CACNB2: variants seen among roughly 807,000 people sequenced by gnomAD.
CACNB2 encodes the protein calcium voltage-gated channel auxiliary subunit beta 2.
In CACNB2, 42 loss-of-function variants were observed where a neutral mutation model predicts 73.3. That is an observed-to-expected ratio of 0.57 (90% confidence interval 0.45 to 0.74). The LOEUF (loss-of-function observed/expected upper bound fraction) is 0.74, where lower values mean the gene tolerates loss of function less well. Among genes scored for constraint, CACNB2 ranks in the 30% least tolerant of loss-of-function variants. The probability of loss-of-function intolerance (pLI) is 0.00; values close to 1 mark genes in which losing one functional copy is unlikely to be tolerated. For synonymous variants in CACNB2, 348 were observed against 310.3 expected (o/e 1.12, Z -1.28); for missense variants, 940 against 853.0 (o/e 1.10, Z -1.27).
intron 2 of CACNB2, among the ~76,000 whole-genome samples, chr10:18,239,325 G>GA (rs768241463): frequency 2.0e-5 from 3 of 151,876 alleles, no homozygotes; most frequent in Non-Finnish European, 4.4e-5. Flanking sequence ...CCACCTTTCC[G>GA]AGTCTCCAGT....
At chr10:18,437,716 G>T (rs1282829771) in intron 3 of CACNB2, among the ~76,000 whole-genome samples, 1 of 152,124 alleles carries the variant, frequency 6.6e-6, no homozygotes, top group Admixed American at 6.6e-5. Flanking sequence ...ATCTTTGACA[G>T]CACTGAGAGT....
chr10:18,391,947 A>T (rs1210793227), intron 2 of CACNB2, among the ~76,000 whole-genome samples: 1 of 145,618 alleles, frequency 6.9e-6, no homozygotes, highest in Non-Finnish European at 1.5e-5. Flanking sequence ...AAAAAAAAAG[A>T]AGGTAAAAGC....
intron 2 of CACNB2, among the ~76,000 whole-genome samples, chr10:18,246,621 T>A (rs2036870330): frequency 6.6e-6 from 1 of 152,076 alleles, no homozygotes; most frequent in Non-Finnish European, 1.5e-5. Context: ...CACTCTGTCA[T>A]ACAGGCTGGA....
At chr10:18,527,735 C>A (rs777058449) in intron 10 of CACNB2, 38 bp downstream of exon 10, 7 of 1,259,768 alleles carry the variant, frequency 5.6e-6, no homozygotes, top group South Asian at 1.2e-5. Flanking sequence ...TTTAAACTCT[C>A]CTCTCCCGAT....
intron 2 of CACNB2, among the ~76,000 whole-genome samples, chr10:18,154,121 A>G (rs2031836460): frequency 6.6e-6 from 1 of 151,998 alleles, no homozygotes; most frequent in Admixed American, 6.6e-5. Context: ...TAATTTTAAA[A>G]ACCTTAGAAT....
intron 3 of CACNB2, among the ~76,000 whole-genome samples, chr10:18,440,058 C>G (rs1159124780): frequency 3.9e-5 from 6 of 152,180 alleles, no homozygotes; most frequent in Non-Finnish European, 8.8e-5. Flanking sequence ...AGTCTAAGAT[C>G]AAGGCACCGG....
intron 2 of CACNB2, among the ~76,000 whole-genome samples, chr10:18,279,822 G>A (rs1006468473): frequency 1.3e-5 from 2 of 152,198 alleles, no homozygotes; most frequent in African/African-American, 4.8e-5. Context: ...GCTCATGCCT[G>A]TAATCCCAGC....
Position 18,224,338 on chromosome 10 carries a change from C to CCAA in CACNB2, c.213+73363_213+73364insCAA, listed in dbSNP as rs2035905103. On this transcript the variant is annotated intron_variant, in intron 2 of 13. Transcript: ENST00000324631. ...CCCTCCCTCTTTCAACTTCTCCCTTCAAAAAAAAAAAAATTCCAATTTCTT... is the reference window on the plus strand; with the variant it reads ...CCCTCCCTCTTTCAACTTCTCCCTTCCAAAAAAAAAAAAAAATTCCAATTTCTT... The CCAA allele has an allele frequency of 2.1e-5, 3 of 145,712 alleles. 1 individual carries two copies. The South Asian group carries it at 6.6e-4, about 32-fold the overall frequency. 9.0% of individuals were successfully genotyped at this position (145,712 alleles called of 1,614,324 possible). A position where few individuals can be genotyped will look rare whatever the true frequency, so the allele number is the denominator to read the frequency against.
intron 3 of CACNB2, among the ~76,000 whole-genome samples, chr10:18,458,949 G>A (rs1258386188): frequency 6.6e-6 from 1 of 150,806 alleles, no homozygotes; most frequent in Non-Finnish European, 1.5e-5. Flanking sequence ...CATTTTTGTA[G>A]AGATGGGTTT....
intron 2 of CACNB2, among the ~76,000 whole-genome samples, chr10:18,194,644 G>A (rs777973446): frequency 6.6e-6 from 1 of 152,150 alleles, no homozygotes; most frequent in Non-Finnish European, 1.5e-5. Context: ...AGATGGGTGT[G>A]GGGGAGATAT....
rs759958799 is a variant in CACNB2, at chr10:18,539,263, G to A, written c.1522G>A (p.Ala508Thr). The A allele has an allele frequency of 8.0e-5, 129 of 1,613,954 alleles. 2 individuals carry two copies. In the South Asian group the frequency reaches 1.1e-3, roughly 13 times the overall value. Residue 508 changes from alanine (A) to threonine (T), a missense_variant, in exon 14 of 14, where the codon GCT (alanine) becomes ACT (threonine). Physicochemically the swap from Ala to Thr is moderately conservative, Grantham distance 58 (BLOSUM62 0). Transcript: ENST00000324631. ...SQGDQRTDRSAPIRSASQAEE... is the reference protein window; with the variant it reads ...SQGDQRTDRSTPIRSASQAEE... ...AGGTGATCAGAGGACTGATCGCTCCGCTCCTATCCGTTCTGCTTCCCAAGC... is the reference window on the plus strand; with the variant it reads ...AGGTGATCAGAGGACTGATCGCTCCACTCCTATCCGTTCTGCTTCCCAAGC...
intron 2 of CACNB2, among the ~76,000 whole-genome samples, chr10:18,401,649 A>G (rs1195806603): frequency 1.3e-5 from 2 of 152,204 alleles, no homozygotes; most frequent in East Asian, 3.9e-4. Flanking sequence ...AAGCTGTTTA[A>G]TTATAAAACC....
chr10:18,263,151 T>C (rs2037633193), intron 2 of CACNB2, among the ~76,000 whole-genome samples: 1 of 152,214 alleles, frequency 6.6e-6, no homozygotes, highest in Admixed American at 6.5e-5. Context: ...TTTGACACTT[T>C]ATGGATTGCA....
chr10:18,286,244 C>G (rs530147998), intron 2 of CACNB2, among the ~76,000 whole-genome samples: 1 of 152,274 alleles, frequency 6.6e-6, no homozygotes, highest in South Asian at 2.1e-4. Flanking sequence ...CTGCCGGGCG[C>G]AGTGGCTCAC....
rs68179779 is a variant in CACNB2 at position 18,491,819 on chromosome 10, TAAAAAAAAAAAA to T, written c.334-6519_334-6508del. On this transcript the variant is annotated intron_variant, in intron 3 of 13. Coordinates refer to ENST00000324631, the MANE Select transcript of CACNB2 (RefSeq NM_201596.3). The stretch of plus-strand genomic sequence containing the variant: ...TATTCCCTTGGAACTTCAAGTTGGT[TAAAAAAAAAAAA>T]AAAAAAAAAAAAAAAAGCCTGAGCG... Among the ~76,000 whole-genome samples the T allele has an allele frequency of 2.7e-3, 178 of 65,602 alleles. 1 individual carries two copies. Among genetic ancestry groups the T allele is most frequent in the African/African-American group, 7.2e-3 (144 of 20,056 alleles). The allele number at this position is 65,602 out of a possible 152,430, so 43.0% of individuals were successfully genotyped here. A position where few individuals can be genotyped will look rare whatever the true frequency, so the allele number is the denominator to read the frequency against.
chr10:18,237,001 G>A (rs1349172224), intron 2 of CACNB2, among the ~76,000 whole-genome samples: 2 of 152,174 alleles, frequency 1.3e-5, no homozygotes, highest in African/African-American at 4.8e-5. Flanking sequence ...GAAGTGCCAA[G>A]CAAGGCAAGT....
At chr10:18,311,033 T>C (rs2039945139) in intron 2 of CACNB2, among the ~76,000 whole-genome samples, 2 of 152,198 alleles carry the variant, frequency 1.3e-5, no homozygotes, top group African/African-American at 4.8e-5. Context: ...TCAGTACTTT[T>C]TCATAGCTTT....
chr10:18,538,388 T>G, intron 13 of CACNB2, 23 bp downstream of exon 13: 2 of 1,594,930 alleles, frequency 1.3e-6, no homozygotes, highest in South Asian at 1.1e-5. Flanking sequence ...TTTATATATA[T>G]CTATATATAC....
intron 3 of CACNB2, among the ~76,000 whole-genome samples, chr10:18,411,083 T>G (rs2044598902): frequency 6.6e-6 from 1 of 152,228 alleles, no homozygotes; most frequent in Non-Finnish European, 1.5e-5. Flanking sequence ...AGGCTGAAAT[T>G]ATTTTCACAA....
Sources: gnomAD v4.1 joint callset for allele counts (sites outside exome capture counted in the v4.1 genomes callset) on GRCh38, gnomAD v4.1.1 for gene constraint, MANE v1.5 for transcripts, NCBI Gene and HGNC (gene_info 2026-07-23, HGNC 2026-07-21) for gene names.